ASTN2: variants seen among roughly 807,000 people sequenced by gnomAD.
The protein encoded by ASTN2 is astrotactin-2.
ASTN2 carries 54 observed loss-of-function variants against 139.8 expected under a neutral mutation model. The ratio of observed to expected loss-of-function variants is 0.39; its 90% CI spans 0.31 to 0.48. ASTN2 has a LOEUF of 0.48. ASTN2 is among the 20% of genes least tolerant of loss of function. ASTN2 has a pLI of 0.95. For synonymous variants in ASTN2, 756 were observed against 719.5 expected (o/e 1.05, Z -0.81); for missense variants, 1,565 against 1,725.1 (o/e 0.91, Z 1.64).
intron 2 of ASTN2, among the ~76,000 whole-genome samples, chr9:117,242,004 CTTTTTTTTTTTT>C (rs10579284): frequency 1.4e-4 from 6 of 42,478 alleles, no homozygotes; most frequent in South Asian, 3.0e-3. Context: ...TTTGGCAAGT[CTTTTTTTTTTTT>C]TTTTTTTTTT....
chr9:116,609,376 G>GGT (rs1306885542), intron 19 of ASTN2, among the ~76,000 whole-genome samples: 3 of 28,708 alleles, frequency 1.0e-4, no homozygotes, highest in East Asian at 1.5e-3. Context: ...TATATATATG[G>GGT]GTGTATATAT....
At position 117,382,294 on chromosome 9, in the gene ASTN2, T is replaced by C. The variant is rs1296534098; in HGVS notation, c.442+32203A>G. ...GACTAGGTGTGGAGGACTAGCATTATTCTGAGTTCAAGAGCCAGGAGGGAC... is the reference window on the plus strand; with the variant it reads ...GACTAGGTGTGGAGGACTAGCATTACTCTGAGTTCAAGAGCCAGGAGGGAC... On this transcript the variant is annotated intron_variant, in intron 1 of 22. Coordinates refer to ENST00000313400, the MANE Select transcript of ASTN2 (RefSeq NM_001365068.1). Among the ~76,000 whole-genome samples the C allele has an allele frequency of 2.6e-5, 4 of 152,242 alleles. No homozygotes were observed. In the East Asian group the frequency reaches 7.7e-4, roughly 29 times the overall value.
At chr9:117,077,517 G>A (rs1184053336) in intron 5 of ASTN2, among the ~76,000 whole-genome samples, 1 of 152,174 alleles carries the variant, frequency 6.6e-6, no homozygotes, top group Non-Finnish European at 1.5e-5. Flanking sequence ...GGAGGCTGAG[G>A]CGGGTAAATC....
At chr9:116,781,999 A>G (rs1413611380) in intron 13 of ASTN2, among the ~76,000 whole-genome samples, 1 of 152,176 alleles carries the variant, frequency 6.6e-6, no homozygotes, top group Non-Finnish European at 1.5e-5. Flanking sequence ...CAGTTGGTCT[A>G]ACTCCAAAAC....
At chr9:116,533,251 G>A (rs369191129) in intron 19 of ASTN2, among the ~76,000 whole-genome samples, 9 of 152,118 alleles carry the variant, frequency 5.9e-5, no homozygotes, top group East Asian at 3.9e-4. Flanking sequence ...CAGCTTAAGG[G>A]GATTTTGGGC....
chr9:117,023,112 G>A (rs1837937717), intron 6 of ASTN2, among the ~76,000 whole-genome samples: 1 of 152,142 alleles, frequency 6.6e-6, no homozygotes, highest in South Asian at 2.1e-4. Context: ...GCCAGGAGTG[G>A]AATGAACCAG....
chr9:116,523,219 C>T (rs1459664033), intron 19 of ASTN2, among the ~76,000 whole-genome samples: 3 of 148,392 alleles, frequency 2.0e-5, no homozygotes, highest in African/African-American at 5.0e-5. Flanking sequence ...TTTTTTTTAA[C>T]GACAGTTATA....
chr9:117,242,622 T>G (rs577732375), intron 2 of ASTN2, among the ~76,000 whole-genome samples: 1 of 152,358 alleles, frequency 6.6e-6, no homozygotes, highest in African/African-American at 2.4e-5. Context: ...ATGGAGGGTT[T>G]AGCCACTGCT....
At chr9:116,926,104 C>G (rs1159871200) in intron 10 of ASTN2, among the ~76,000 whole-genome samples, 1 of 152,096 alleles carries the variant, frequency 6.6e-6, no homozygotes, top group Non-Finnish European at 1.5e-5. Flanking sequence ...CCATCCTGGC[C>G]TCCCAGAAAG....
chr9:116,563,047 CAA>C (rs1852998867), intron 19 of ASTN2, among the ~76,000 whole-genome samples: 1 of 151,846 alleles, frequency 6.6e-6, no homozygotes, highest in South Asian at 2.1e-4. Flanking sequence ...TCTGGTATGA[CAA>C]AAGAGAAGGA....
rs149276447 is a variant in ASTN2, at chr9:116,675,911, T to C, written c.2807-24118A>G. 7.9e-3 allele frequency among the ~76,000 whole-genome samples: 1,200 copies of C among 152,310 alleles called. 12 individuals are homozygous for C. The highest frequency in any genetic ancestry group is 0.023 in the African/African-American group (973 of 41,572). Reference sequence around the variant, plus strand: ...GGACCAACAGGGAAAAAGTTTGAGCTTTGCCAGGTTGACATTGCGTGCTGA... The same window carrying C: ...GGACCAACAGGGAAAAAGTTTGAGCCTTGCCAGGTTGACATTGCGTGCTGA... On this transcript the variant is annotated intron_variant, in intron 16 of 22. Coordinates refer to ENST00000313400, the MANE Select transcript of ASTN2 (RefSeq NM_001365068.1).
At chr9:117,275,584 G>A (rs1427769666) in intron 2 of ASTN2, among the ~76,000 whole-genome samples, 1 of 23,960 alleles carries the variant, frequency 4.2e-5, no homozygotes, top group Admixed American at 4.3e-4. Context: ...TTTTTTTTTT[G>A]AGACGGAGTC....
At chr9:116,729,525 G>A (rs1270570444) in intron 14 of ASTN2, among the ~76,000 whole-genome samples, 1 of 152,168 alleles carries the variant, frequency 6.6e-6, no homozygotes, top group Non-Finnish European at 1.5e-5. Flanking sequence ...TAGAAATGTT[G>A]TGCATGTAGA....
At chr9:116,671,918 T>G (rs1429406148) in intron 16 of ASTN2, among the ~76,000 whole-genome samples, 2 of 152,108 alleles carry the variant, frequency 1.3e-5, no homozygotes, top group African/African-American at 2.4e-5. Context: ...TGTAAGACAC[T>G]GTGAAGCAGA....
intron 20 of ASTN2, among the ~76,000 whole-genome samples, chr9:116,474,925 A>T (rs979361776): frequency 6.6e-6 from 1 of 152,178 alleles, no homozygotes; most frequent in Admixed American, 6.5e-5. Context: ...ACCCTAAAGT[A>T]GAAAGTGATG....
intron 1 of ASTN2, among the ~76,000 whole-genome samples, chr9:117,335,841 A>C (rs1828864489): frequency 6.6e-6 from 1 of 152,118 alleles, no homozygotes; most frequent in Non-Finnish European, 1.5e-5. Context: ...TAGGAATGAA[A>C]TCCATATCTA....
rs528654504 is a variant in ASTN2, at chr9:117,263,435, C to G, written c.630+27891G>C. On this transcript the variant is annotated intron_variant, in intron 2 of 22. Transcript: ENST00000313400. ...CACCTGCAAATTCTTTAAAAAAATC[C>G]TACCACTGGCATGGTGGAATAAATA... Among the ~76,000 whole-genome samples, 5 of 152,282 alleles carry G rather than the reference C, an allele frequency of 3.3e-5. No homozygotes were observed. In the South Asian group the frequency reaches 1.0e-3, roughly 32 times the overall value.
chr9:117,144,885 G>A (rs1830159800), intron 3 of ASTN2, among the ~76,000 whole-genome samples: 1 of 151,748 alleles, frequency 6.6e-6, no homozygotes, highest in African/African-American at 2.4e-5. Flanking sequence ...GTTTCATTAT[G>A]TTGGCCAGGC....
chr9:117,123,937 C>T (rs1449073920), intron 4 of ASTN2, among the ~76,000 whole-genome samples: 1 of 152,164 alleles, frequency 6.6e-6, no homozygotes, highest in Non-Finnish European at 1.5e-5. Context: ...CTTTTGGAGG[C>T]TGATGTCACC....
Sources: gnomAD v4.1 joint callset for allele counts (sites outside exome capture counted in the v4.1 genomes callset) on GRCh38, gnomAD v4.1.1 for gene constraint, MANE v1.5 for transcripts, NCBI Gene and HGNC (gene_info 2026-07-23, HGNC 2026-07-21) for gene names.